DLG2: variants seen among roughly 807,000 people sequenced by gnomAD.
The protein encoded by DLG2 is disks large homolog 2.
DLG2 carries 45 observed loss-of-function variants against 132.5 expected under a neutral mutation model. The observed-to-expected ratio is 0.34, with a 90% CI of 0.27 to 0.44. The LOEUF (loss-of-function observed/expected upper bound fraction) is 0.44. Ranked by LOEUF, DLG2 falls within the 20% of genes least tolerant of loss-of-function variation. The probability of loss-of-function intolerance (pLI) is 1.00; values close to 1 mark genes in which losing one functional copy is unlikely to be tolerated. For missense variants in DLG2, 1,045 were observed against 1,196.9 expected (o/e 0.87, Z 1.87); for synonymous variants, 424 against 419.6 (o/e 1.01, Z -0.13).
Position 84,059,306 on chromosome 11 carries a change from T to C in DLG2, c.919+9A>G. On this transcript the variant is annotated intron_variant, in intron 11 of 27. Transcript: ENST00000376104. ...ACTAGTGTCTGTGAGTCATTTATAT[T>C]TTGATTACCTTTAGGGCCTTTGAAC... 1.2e-6 allele frequency: 2 copies of C among 1,611,850 alleles called. No homozygotes were observed. Among genetic ancestry groups the C allele is most frequent in the Non-Finnish European group, 1.7e-6 (2 of 1,179,094 alleles).
chr11:84,108,506 A>T (rs1219248594), intron 9 of DLG2, among the ~76,000 whole-genome samples: 2 of 152,186 alleles, frequency 1.3e-5, no homozygotes, highest in Non-Finnish European at 2.9e-5. Flanking sequence ...GTAGTGTGGC[A>T]GTTAAGTATT....
At chr11:85,209,071 A>G (rs2082084364) in intron 4 of DLG2, among the ~76,000 whole-genome samples, 1 of 152,128 alleles carries the variant, frequency 6.6e-6, no homozygotes, top group Non-Finnish European at 1.5e-5. Flanking sequence ...TTAGAACCCA[A>G]GGATTCTAGT....
chr11:85,421,702 T>C (rs1036572772), intron 3 of DLG2, among the ~76,000 whole-genome samples: 11 of 152,126 alleles, frequency 7.2e-5, no homozygotes, highest in Non-Finnish European at 1.2e-4. Context: ...CCATTCATCA[T>C]GCTATTTGTT....
At chr11:84,474,343 CACA>C (rs1425157902) in intron 7 of DLG2, among the ~76,000 whole-genome samples, 2 of 152,052 alleles carry the variant, frequency 1.3e-5, no homozygotes, top group South Asian at 2.1e-4. Context: ...ATTTAATCCT[CACA>C]ACAATGATTT....
At chr11:83,853,451 G>T (rs778268336) in intron 16 of DLG2, among the ~76,000 whole-genome samples, 1 of 152,162 alleles carries the variant, frequency 6.6e-6, no homozygotes, top group Non-Finnish European at 1.5e-5. Flanking sequence ...GGGCTCCACT[G>T]TGGCTAGGAT....
chr11:83,938,153 A>T (rs960168180), intron 14 of DLG2, among the ~76,000 whole-genome samples: 2 of 152,254 alleles, frequency 1.3e-5, no homozygotes, highest in Non-Finnish European at 2.9e-5. Context: ...GTTAATATTC[A>T]TAAAACATTT....
chr11:84,859,421 C>A (rs540663309), intron 6 of DLG2, among the ~76,000 whole-genome samples: 1 of 140,360 alleles, frequency 7.1e-6, no homozygotes, highest in Non-Finnish European at 1.5e-5. Context: ...TATATGTATA[C>A]ATATACATAT....
intron 21 of DLG2, among the ~76,000 whole-genome samples, chr11:83,514,674 G>T (rs550781518): frequency 1.6e-4 from 25 of 152,256 alleles, no homozygotes; most frequent in African/African-American, 6.0e-4. Flanking sequence ...GTTTGTCATA[G>T]ATAGCTCTTA....
rs150096792 is a variant in DLG2, at chr11:83,930,541, G to T, written c.1341-58C>A. The T allele has an allele frequency of 4.1e-3, 6,225 of 1,504,476 alleles. 16 individuals are homozygous for T. Among genetic ancestry groups the T allele is most frequent in the Non-Finnish European group, 5.1e-3 (5,648 of 1,105,018 alleles). 93.2% of individuals were successfully genotyped at this position (1,504,476 alleles called of 1,614,324 possible). ...TGGTTAGTACATACAAGGAACACCT[G>T]TGCAACCAGTAGCATCTCAGCATGT... On this transcript the variant is annotated intron_variant, in intron 14 of 27. Transcript: ENST00000376104.
At chr11:85,036,279 C>T (rs766656942) in intron 6 of DLG2, among the ~76,000 whole-genome samples, 19 of 152,162 alleles carry the variant, frequency 1.2e-4, no homozygotes, top group Non-Finnish European at 2.4e-4. Context: ...ATCTCTCCCT[C>T]TTTATTTTTC....
At chr11:85,625,471 T>G (rs1399552976) in intron 2 of DLG2, among the ~76,000 whole-genome samples, 4 of 152,224 alleles carry the variant, frequency 2.6e-5, no homozygotes, top group Non-Finnish European at 5.9e-5. Flanking sequence ...TAAATCCCAG[T>G]GTGCAAATAT....
At chr11:83,590,354 C>T (rs1343125884) in intron 19 of DLG2, among the ~76,000 whole-genome samples, 1 of 152,158 alleles carries the variant, frequency 6.6e-6, no homozygotes, top group East Asian at 1.9e-4. Context: ...AACCGCTCAA[C>T]TACATGGAAA....
In DLG2 at chr11:84,412,655, C is replaced by T. The variant is rs74932607; in HGVS notation, c.519+121915G>A. Reference sequence around the variant, plus strand: ...CTGCCACATGCCCTAGGTGAGGGAGCTGAGCACCAGCCACCCTTCCTTACT... The same window carrying T: ...CTGCCACATGCCCTAGGTGAGGGAGTTGAGCACCAGCCACCCTTCCTTACT... On this transcript the variant is annotated intron_variant, in intron 7 of 27. Transcript: ENST00000376104. Among the ~76,000 whole-genome samples the T allele has an allele frequency of 2.4e-3, 359 of 152,284 alleles. 1 individual carries two copies. The highest frequency in any genetic ancestry group is 8.0e-3 in the African/African-American group (331 of 41,570).
At chr11:84,038,136 A>T (rs951748536) in intron 11 of DLG2, among the ~76,000 whole-genome samples, 14 of 151,910 alleles carry the variant, frequency 9.2e-5, no homozygotes, top group Non-Finnish European at 1.6e-4. Context: ...TCCACCTTCC[A>T]CTAGGCCCCA....
intron 18 of DLG2, among the ~76,000 whole-genome samples, chr11:83,674,880 A>G (rs1195309734): frequency 6.6e-6 from 1 of 152,238 alleles, no homozygotes; most frequent in Admixed American, 6.5e-5. Context: ...GCTAGATAGA[A>G]AAATGAATAT....
chr11:84,007,604 A>G (rs2094636060), intron 11 of DLG2, among the ~76,000 whole-genome samples: 1 of 151,784 alleles, frequency 6.6e-6, no homozygotes, highest in South Asian at 2.1e-4. Flanking sequence ...ACTGCTTAAA[A>G]GATATAATAT....
chr11:84,992,809 G>C (rs1271015534), intron 6 of DLG2, among the ~76,000 whole-genome samples: 1 of 152,120 alleles, frequency 6.6e-6, no homozygotes, highest in African/African-American at 2.4e-5. Context: ...CAGATGGGTA[G>C]CTTGCAAAAA....
At chr11:83,992,707 A>G (rs2093793913) in intron 11 of DLG2, among the ~76,000 whole-genome samples, 1 of 152,124 alleles carries the variant, frequency 6.6e-6, no homozygotes, top group Non-Finnish European at 1.5e-5. Context: ...CAAGTATCCA[A>G]TAAGTGAATA....
Position 84,855,610 on chromosome 11 carries a change from C to T in DLG2, c.357+256051G>A, listed in dbSNP as rs150406377. Reference sequence around the variant, plus strand: ...ACATGCAGCTCTTCCAAGGTGGTCACTCCTTGCTAGCTAAGAAAGGCAGAG... The same window carrying T: ...ACATGCAGCTCTTCCAAGGTGGTCATTCCTTGCTAGCTAAGAAAGGCAGAG... On this transcript the variant is annotated intron_variant, in intron 6 of 27. Coordinates refer to ENST00000376104, the MANE Select transcript of DLG2 (RefSeq NM_001142699.3). Among the ~76,000 whole-genome samples, 505 of 152,160 alleles carry T rather than the reference C, an allele frequency of 3.3e-3. 1 individual carries two copies. Among genetic ancestry groups the T allele is most frequent in the South Asian group, 9.5e-3 (46 of 4,824 alleles).
Sources: allele counts gnomAD v4.1 joint callset (sites outside exome capture counted in the v4.1 genomes callset), GRCh38; gene constraint gnomAD v4.1.1; transcripts MANE v1.5; gene names NCBI Gene and HGNC (gene_info 2026-07-23, HGNC 2026-07-21).